KIAA0753: variants seen among roughly 807,000 people sequenced by gnomAD.
KIAA0753 encodes the protein protein moonraker.
KIAA0753 carries 114 observed loss-of-function variants against 116.9 expected under a neutral mutation model. That is an observed-to-expected ratio of 0.98 (90% CI 0.84 to 1.14). KIAA0753 has a LOEUF of 1.14. Ranked by LOEUF, KIAA0753 falls within the 50% of genes most tolerant of loss-of-function variation. KIAA0753 has a pLI of 0.00. For synonymous variants in KIAA0753, 405 were observed against 413.1 expected (o/e 0.98, Z 0.24); for missense variants, 1,156 against 1,172.4 (o/e 0.99, Z 0.20).
chr17:6,600,977 C>T (rs1398102810), intron 12 of KIAA0753: 1 of 156,856 alleles, frequency 6.4e-6, no homozygotes, highest in Non-Finnish European at 1.4e-5. Flanking sequence ...CATCCAAGTA[C>T]TAACCAGGCC....
In KIAA0753 at chr17:6,589,540, C is replaced by T. The variant is rs1363717218; in HGVS notation, c.2786+239G>A. On this transcript the variant is annotated intron_variant, in intron 18 of 18. Coordinates refer to ENST00000361413, the MANE Select transcript of KIAA0753 (RefSeq NM_014804.3). ...TGATGACAGCCTGAGCTGACTGGGA[C>T]CCTCTGCCTAGAAAAAGAAGGCTGC... 2.0e-5 allele frequency among the ~76,000 whole-genome samples: 3 copies of T among 149,654 alleles called. 1 individual carries two copies. The South Asian group carries it at 6.5e-4, about 32-fold the overall frequency.
At position 6,589,902 on chromosome 17, in the gene KIAA0753, G is replaced by T; in HGVS notation, c.2663C>A (p.Pro888His). The change falls in exon 18 of 19, where the codon CCC (proline) becomes CAC (histidine). Residue 888 changes from proline to histidine, a missense_variant. Coordinates refer to ENST00000361413, the MANE Select transcript of KIAA0753 (RefSeq NM_014804.3). ...EDSQQKEGRA[P>H]LFVPPGMQHS... The stretch of plus-strand genomic sequence containing the variant: ...CTGCATACCCGGTGGGACAAAGAGG[G>T]GAGCTCGGCCTTCTTTCTGTTGAGA... 1 of 1,613,636 alleles carries T rather than the reference G, an allele frequency of 6.2e-7. No homozygotes were observed. Among genetic ancestry groups the T allele is most frequent in the Non-Finnish European group, 8.5e-7 (1 of 1,179,852 alleles).
At chr17:6,637,882 C>T (rs1301545295) in intron 1 of KIAA0753, 1 of 152,992 alleles carries the variant, frequency 6.5e-6, no homozygotes, top group East Asian at 1.9e-4. Flanking sequence ...TTGCTGCCTC[C>T]CTGACAAGCC....
In KIAA0753 at chr17:6,606,960, A is replaced by G. The variant is rs762480090; in HGVS notation, c.1922T>C (p.Leu641Pro). ...AGAAGTTTCAGCATCAAGCCAATCA[A>G]GCCTAGAGAACAGTATCAAGAGTCA... ...KEIDSMQKQR[L>P]DWLDAETSRR... The change falls in exon 12 of 19, where the codon CTT (leucine) becomes CCT (proline). Residue 641 changes from leucine to proline, a missense_variant and splice_region_variant. Coordinates refer to ENST00000361413, the MANE Select transcript of KIAA0753 (RefSeq NM_014804.3). 1 of 1,613,962 alleles carries G rather than the reference A, an allele frequency of 6.2e-7. No individual in the cohort carries two copies. The highest frequency in any genetic ancestry group is 8.5e-7 in the Non-Finnish European group (1 of 1,179,806).
chr17:6,611,288 C>A (rs1055662172), intron 8 of KIAA0753, among the ~76,000 whole-genome samples: 16 of 152,066 alleles, frequency 1.1e-4, no homozygotes, highest in African/African-American at 3.9e-4. Flanking sequence ...CGATATTTAT[C>A]TTTAGCAGGA....
At chr17:6,625,520 A>T (rs1164097332) in intron 3 of KIAA0753, among the ~76,000 whole-genome samples, 2 of 151,822 alleles carry the variant, frequency 1.3e-5, no homozygotes, top group Non-Finnish European at 2.9e-5. Context: ...TACAAAAATT[A>T]GCCAGGCGTG....
At chr17:6,600,091 C>T (rs1969757187) in intron 13 of KIAA0753, among the ~76,000 whole-genome samples, 1 of 152,218 alleles carries the variant, frequency 6.6e-6, no homozygotes, top group South Asian at 2.1e-4. Context: ...TAATGGAACA[C>T]TAACTTCACC....
rs756935316 is a variant in KIAA0753, at chr17:6,589,911, C to T, written c.2654G>A (p.Gly885Asp). ...SLAEDSQQKE[G>D]RAPLFVPPGM... Reference sequence around the variant, plus strand: ...CGGTGGGACAAAGAGGGGAGCTCGGCCTTCTTTCTGTTGAGAATCTTCGGC... The same window carrying T: ...CGGTGGGACAAAGAGGGGAGCTCGGTCTTCTTTCTGTTGAGAATCTTCGGC... Residue 885 changes from glycine (G) to aspartate (D), a missense_variant, in exon 18 of 19, where the codon GGC becomes GAC. Gly to Asp is a moderately conservative substitution (Grantham distance 94, BLOSUM62 -1). Transcript: ENST00000361413. The T allele has an allele frequency of 2.5e-6, 4 of 1,613,280 alleles. No individual in the cohort carries two copies. The highest frequency in any genetic ancestry group is 1.3e-5 in the African/African-American group (1 of 74,952).
chr17:6,594,287 C>T (rs1233253986), intron 16 of KIAA0753, among the ~76,000 whole-genome samples: 1 of 136,692 alleles, frequency 7.3e-6, no homozygotes, highest in Non-Finnish European at 1.6e-5. Context: ...ACCCCCCCCC[C>T]CAGAACTATA....
chr17:6,614,263 A>G (rs1970732474), intron 7 of KIAA0753, among the ~76,000 whole-genome samples: 1 of 152,212 alleles, frequency 6.6e-6, no homozygotes, highest in Non-Finnish European at 1.5e-5. Flanking sequence ...ACTCCTAGGT[A>G]TATACTCAGG....
At chr17:6,601,466 C>T (rs1969869305) in intron 12 of KIAA0753, among the ~76,000 whole-genome samples, 1 of 152,222 alleles carries the variant, frequency 6.6e-6, no homozygotes, top group African/African-American at 2.4e-5. Flanking sequence ...TGATCTTACT[C>T]TCTGGGCCAA....
chr17:6,615,864 C>G (rs1970891346), intron 7 of KIAA0753, among the ~76,000 whole-genome samples: 1 of 151,966 alleles, frequency 6.6e-6, no homozygotes, highest in South Asian at 2.1e-4. Context: ...TCAGAAGCTG[C>G]AAAAAAACTG....
rs1164142397 is a variant in KIAA0753, at chr17:6,611,948, T to C, written c.1516A>G (p.Lys506Glu). The change falls in exon 8 of 19, where the codon AAA (lysine) becomes GAA (glutamate). Residue 506 changes from lysine to glutamate, a missense_variant. Physicochemically the swap from Lys to Glu is moderately conservative, Grantham distance 56. Coordinates refer to ENST00000361413, the MANE Select transcript of KIAA0753 (RefSeq NM_014804.3). ...PVTENVPFRK[K>E]DTLAPARQQG... ...TGTCTTGCTGGCGCCAGAGTATCTT[T>C]CTTCCTAAACGGCACATTCTCAGTC... 4 of 1,613,964 alleles carry C rather than the reference T, an allele frequency of 2.5e-6. No individual in the cohort carries two copies. Among genetic ancestry groups the C allele is most frequent in the African/African-American group, 1.3e-5 (1 of 74,892 alleles).
intron 18 of KIAA0753, among the ~76,000 whole-genome samples, chr17:6,585,222 T>C (rs1273237881): frequency 1.3e-5 from 2 of 152,254 alleles, no homozygotes; most frequent in Non-Finnish European, 2.9e-5. Context: ...AATATGCCAT[T>C]CTCATTTCTG....
At chr17:6,592,627 T>C (rs1597475084) in intron 16 of KIAA0753, among the ~76,000 whole-genome samples, 1 of 152,140 alleles carries the variant, frequency 6.6e-6, no homozygotes, top group East Asian at 1.9e-4. Context: ...AAAAACAAAA[T>C]GAACCCCAAC....
At position 6,610,093 on chromosome 17, in the gene KIAA0753, G is replaced by A; in HGVS notation, c.1613C>T (p.Thr538Ile). The change falls in exon 9 of 19, where the codon ACA (threonine) becomes ATA (isoleucine). Residue 538 changes from threonine (T) to isoleucine (I), a missense_variant. Thr to Ile is a moderately conservative substitution (Grantham distance 89). Transcript: ENST00000361413. The stretch of plus-strand genomic sequence containing the variant: ...GTTCATTTTTAATCTGGATGAAACT[G>A]TTGTCTGCTGCACTCTGCTTTTACT... Reference protein sequence around the residue: ...PHSKSRVQQTTVSSRLKMNRQ... With the variant: ...PHSKSRVQQTIVSSRLKMNRQ... 1.2e-6 allele frequency: 2 copies of A among 1,614,114 alleles called. No homozygotes were observed. Among genetic ancestry groups the A allele is most frequent in the Admixed American group, 1.7e-5 (1 of 60,012 alleles).
chr17:6,624,830 T>G lies in KIAA0753; in HGVS notation c.750A>C (p.Glu250Asp). Reference sequence around the variant, plus strand: ...GTCTCCTGATACGGATTCGACGTTCTTCATCTGGATCCAAAGCTTCTTCTA... The same window carrying G: ...GTCTCCTGATACGGATTCGACGTTCGTCATCTGGATCCAAAGCTTCTTCTA... ...DRLEEALDPD[E>D]ERRIRIRRQE... The change falls in exon 4 of 19, where the codon GAA (glutamate) becomes GAC (aspartate). Residue 250 changes from glutamate (E) to aspartate (D), a missense_variant. Coordinates refer to ENST00000361413, the MANE Select transcript of KIAA0753 (RefSeq NM_014804.3). 6.4e-7 allele frequency: 1 copy of G among 1,560,978 alleles called. No individual in the cohort carries two copies. The highest frequency in any genetic ancestry group is 1.2e-5 in the South Asian group (1 of 84,952).
At chr17:6,592,999 T>C (rs1027010303) in intron 16 of KIAA0753, among the ~76,000 whole-genome samples, 1 of 152,142 alleles carries the variant, frequency 6.6e-6, no homozygotes. Flanking sequence ...TGCACAACTA[T>C]GTGAATATAC....
chr17:6,631,817 A>AGG (rs1393820516), intron 2 of KIAA0753, among the ~76,000 whole-genome samples: 1 of 152,230 alleles, frequency 6.6e-6, no homozygotes, highest in Non-Finnish European at 1.5e-5. Flanking sequence ...GAAGAATCAA[A>AGG]GTCTCCTTGG....
Sources: allele counts gnomAD v4.1 joint callset (sites outside exome capture counted in the v4.1 genomes callset), GRCh38; gene constraint gnomAD v4.1.1; transcripts MANE v1.5; gene names NCBI Gene and HGNC (gene_info 2026-07-23, HGNC 2026-07-21).